The following KCNG3 variants were observed in gnomAD, a reference collection of about 807,000 sequenced individuals.
KCNG3 encodes the protein voltage-gated potassium channel regulatory subunit KCNG3.
In KCNG3, 15 loss-of-function variants were observed where a neutral mutation model predicts 29.0. The ratio of observed to expected loss-of-function variants is 0.52; its 90% CI spans 0.35 to 0.80. The LOEUF is 0.80. Among genes scored for constraint, KCNG3 ranks in the 30% least tolerant of loss-of-function variants. KCNG3 has a pLI of 0.01. For missense variants in KCNG3, 512 were observed against 605.7 expected (o/e 0.85, Z 1.62); for synonymous variants, 322 against 248.9 (o/e 1.29, Z -2.76).
the KCNG3 span, among the ~76,000 whole-genome samples, chr2:42,423,009 T>A: frequency 6.6e-6 from 1 of 152,140 alleles, no homozygotes; most frequent in Admixed American, 6.5e-5. Context: ...TTTTCCAAAC[T>A]AGCTTCCACT....
At position 42,493,178 on chromosome 2, in the gene KCNG3, G is replaced by T. The variant is rs1270818680; in HGVS notation, c.324C>A (p.Leu108=). Residue 108 remains leucine (L), a synonymous_variant, in exon 1 of 2, where the codon CTC becomes CTA. Transcript: ENST00000306078. ...CGAGGCGGCGCTGGCAGCAGTACTC[G>T]AGGTGCGCGCCCTCCAGGCCCCAGT... is the stretch of plus-strand genomic sequence containing the variant. ...MIYWGLEGAH[L]EYCCQRRLDD... The T allele has an allele frequency of 6.2e-7, 1 of 1,609,046 alleles. No individual in the cohort carries two copies. Among genetic ancestry groups the T allele is most frequent in the Non-Finnish European group, 8.5e-7 (1 of 1,179,764 alleles).
At chr2:42,389,162 C>T in the KCNG3 span, among the ~76,000 whole-genome samples, 3 of 152,174 alleles carry the variant, frequency 2.0e-5, no homozygotes, top group African/African-American at 7.2e-5. Context: ...AAGTGATCCT[C>T]CCCCTTCAGC....
intron 1 of KCNG3, among the ~76,000 whole-genome samples, chr2:42,479,120 T>G (rs1673514748): frequency 6.6e-6 from 1 of 152,152 alleles, no homozygotes; most frequent in Non-Finnish European, 1.5e-5. Flanking sequence ...TTTGGGACGC[T>G]CAATCTGTAG....
intron 1 of KCNG3, among the ~76,000 whole-genome samples, chr2:42,479,873 G>C (rs191462376): frequency 1.3e-5 from 2 of 152,172 alleles, no homozygotes; most frequent in Non-Finnish European, 2.9e-5. Flanking sequence ...TTAGCCAGGC[G>C]TGTTGGTACA....
chr2:42,437,543 T>C (rs114132156), downstream of KCNG3, among the ~76,000 whole-genome samples: 1 of 152,206 alleles, frequency 6.6e-6, no homozygotes, highest in Non-Finnish European at 1.5e-5. Flanking sequence ...ACAGATTTTA[T>C]GATTTGCATT....
intron 1 of KCNG3, among the ~76,000 whole-genome samples, chr2:42,477,518 C>G (rs1673469125): frequency 1.3e-5 from 2 of 149,186 alleles, no homozygotes; most frequent in Non-Finnish European, 3.0e-5. Flanking sequence ...ACCTCCACCT[C>G]CCGGGTTCAC....
At chr2:42,423,976 C>G in the KCNG3 span, among the ~76,000 whole-genome samples, 1 of 152,138 alleles carries the variant, frequency 6.6e-6, no homozygotes, top group African/African-American at 2.4e-5. Flanking sequence ...CAAGCTAGCT[C>G]CTGTAAAATA....
At chr2:42,472,888 T>TAG (rs1279709075) in intron 1 of KCNG3, among the ~76,000 whole-genome samples, 20 of 99,296 alleles carry the variant, frequency 2.0e-4, no homozygotes, top group Non-Finnish European at 1.5e-4. Context: ...GATCTATCGA[T>TAG]AGATATATAT....
At chr2:42,451,681 G>A (rs1468440181) in intron 1 of KCNG3, among the ~76,000 whole-genome samples, 4 of 152,074 alleles carry the variant, frequency 2.6e-5, no homozygotes, top group East Asian at 1.9e-4. Flanking sequence ...AGCTGAGATC[G>A]TGCCACTGCA....
intron 1 of KCNG3, among the ~76,000 whole-genome samples, chr2:42,485,593 C>T (rs1467377532): frequency 6.6e-6 from 1 of 152,052 alleles, no homozygotes; most frequent in African/African-American, 2.4e-5. Context: ...TACAGGCGCC[C>T]GCCACCATGC....
intron 1 of KCNG3, among the ~76,000 whole-genome samples, chr2:42,450,284 G>A (rs1478621431): frequency 6.6e-6 from 1 of 152,176 alleles, no homozygotes; most frequent in African/African-American, 2.4e-5. Flanking sequence ...GTCAGATGCA[G>A]TTTATTCAGA....
chr2:42,391,460 T>C, the KCNG3 span, among the ~76,000 whole-genome samples: 1 of 152,206 alleles, frequency 6.6e-6, no homozygotes, highest in African/African-American at 2.4e-5. Context: ...GACCAAGGAT[T>C]GAAACAAAGT....
intron 1 of KCNG3, among the ~76,000 whole-genome samples, chr2:42,485,391 CTACTT>C (rs1673695658): frequency 6.6e-6 from 1 of 151,978 alleles, no homozygotes; most frequent in Admixed American, 6.6e-5. Context: ...AAAGGGGACA[CTACTT>C]TATGTCTGAC....
chr2:42,446,110 A>G (rs1672591031), intron 1 of KCNG3, among the ~76,000 whole-genome samples: 1 of 152,022 alleles, frequency 6.6e-6, no homozygotes, highest in Admixed American at 6.6e-5. Context: ...AGCTGAGAAA[A>G]TCAAATTTCA....
downstream of KCNG3, among the ~76,000 whole-genome samples, chr2:42,440,164 C>T (rs1238513678): frequency 1.3e-5 from 2 of 152,044 alleles, no homozygotes; most frequent in Non-Finnish European, 2.9e-5. Flanking sequence ...CAAAATAGAC[C>T]AGAAGGTTTC....
chr2:42,394,162 T>C, the KCNG3 span, among the ~76,000 whole-genome samples: 5 of 152,092 alleles, frequency 3.3e-5, no homozygotes, highest in Non-Finnish European at 7.4e-5. Context: ...TGAACACACT[T>C]CTTAAATTTT....
At chr2:42,402,088 T>C in the KCNG3 span, among the ~76,000 whole-genome samples, 1 of 152,180 alleles carries the variant, frequency 6.6e-6, no homozygotes, top group African/African-American at 2.4e-5. Context: ...TTCATGGGGA[T>C]GGGCATCATC....
At chr2:42,391,849 G>T in the KCNG3 span, among the ~76,000 whole-genome samples, 1 of 151,762 alleles carries the variant, frequency 6.6e-6, no homozygotes. Flanking sequence ...TGATCCGCCC[G>T]CCTCGGCCTC....
At chr2:42,477,169 G>C (rs1673447488) in intron 1 of KCNG3, among the ~76,000 whole-genome samples, 2 of 145,184 alleles carry the variant, frequency 1.4e-5, no homozygotes, top group Admixed American at 1.4e-4. Context: ...TCCAGCCTGA[G>C]CGACAGAGCA....
Sources: gnomAD v4.1 joint callset for allele counts (sites outside exome capture counted in the v4.1 genomes callset) on GRCh38, gnomAD v4.1.1 for gene constraint, MANE v1.5 for transcripts, NCBI Gene and HGNC (gene_info 2026-07-23, HGNC 2026-07-21) for gene names.